The following FNBP1 variants were observed in gnomAD, a reference collection of about 807,000 sequenced individuals.
FNBP1 encodes formin binding protein 1.
In FNBP1, 26 loss-of-function variants were observed where a neutral mutation model predicts 90.6. The observed-to-expected ratio is 0.29, with a 90% CI of 0.21 to 0.40. FNBP1 has a LOEUF of 0.40. Ranked by LOEUF, FNBP1 falls within the 10% of genes least tolerant of loss-of-function variation. The pLI is 1.00. For synonymous variants in FNBP1, 260 were observed against 265.2 expected, an observed-to-expected ratio of 0.98 and a Z score of 0.19; for missense variants, 635 against 768.0, an observed-to-expected ratio of 0.83 and a Z score of 2.05.
At chr9:129,937,215 T>C (rs190835759) in intron 6 of FNBP1, among the ~76,000 whole-genome samples, 9 of 152,048 alleles carry the variant, frequency 5.9e-5, no homozygotes, top group Admixed American at 5.9e-4. Context: ...TTTACTCTAG[T>C]CTTTGACCCA....
intron 1 of FNBP1, among the ~76,000 whole-genome samples, chr9:129,997,264 G>A (rs555440765): frequency 6.6e-6 from 1 of 152,184 alleles, no homozygotes; most frequent in East Asian, 1.9e-4. Context: ...GGAGGCAGAG[G>A]TTGCAGTGAG....
At chr9:129,998,046 AT>A (rs2054270134) in intron 1 of FNBP1, among the ~76,000 whole-genome samples, 2 of 150,760 alleles carry the variant, frequency 1.3e-5, no homozygotes, top group South Asian at 4.2e-4. Context: ...AAATACAAAA[AT>A]TTGCCAGGCA....
intron 2 of FNBP1, among the ~76,000 whole-genome samples, chr9:129,985,876 C>A (rs889033585): frequency 6.7e-6 from 1 of 150,088 alleles, no homozygotes; most frequent in African/African-American, 2.5e-5. Context: ...GCAGGAGAAT[C>A]GCTTCAACCC....
intron 2 of FNBP1, among the ~76,000 whole-genome samples, chr9:129,988,614 T>G (rs1451086658): frequency 6.6e-6 from 1 of 151,340 alleles, no homozygotes; most frequent in Non-Finnish European, 1.5e-5. Flanking sequence ...GAGGTGGAGG[T>G]TGCAGTGAGC....
At chr9:130,044,591 T>G (rs1027312585), upstream of FNBP1, 1 of 152,062 alleles carries the variant, frequency 6.6e-6, no homozygotes, top group African/African-American at 2.4e-5. Flanking sequence ...ATGGTGCCAT[T>G]GCCCTCCAGC....
Position 130,042,132 on chromosome 9 carries a change from G to GAGTC in FNBP1, c.24+819_24+820insGACT, listed in dbSNP as rs2059880487. On this transcript the variant is annotated intron_variant, in intron 1 of 16. Coordinates refer to ENST00000446176, the MANE Select transcript of FNBP1 (RefSeq NM_015033.3). The surrounding 1 kb of genome is among the most constrained non-coding windows in gnomAD (Gnocchi z 5.5). ...CTTTCCGGGGACGGCCCTCAGCCCT[G>GAGTC]AGGGCTGCCCGTTTACCGTGCGCAT... is the stretch of plus-strand genomic sequence containing the variant. 6.6e-6 allele frequency among the ~76,000 whole-genome samples: 1 copy of GAGTC among 151,942 alleles called. No individual in the cohort carries two copies. Among genetic ancestry groups the GAGTC allele is most frequent in the Non-Finnish European group, 1.5e-5 (1 of 67,986 alleles).
intron 1 of FNBP1, among the ~76,000 whole-genome samples, chr9:130,015,357 T>C (rs998315115): frequency 6.6e-6 from 1 of 152,142 alleles, no homozygotes; most frequent in Non-Finnish European, 1.5e-5. Context: ...GGAAAACCAA[T>C]AGGTCTCTGT....
intron 1 of FNBP1, among the ~76,000 whole-genome samples, chr9:130,013,119 A>C (rs1223741963): frequency 6.6e-6 from 1 of 152,136 alleles, no homozygotes; most frequent in South Asian, 2.1e-4. Context: ...GGTATCTAGA[A>C]TATAGATAGC....
chr9:130,015,443 A>G (rs1468598636), intron 1 of FNBP1, among the ~76,000 whole-genome samples: 1 of 152,166 alleles, frequency 6.6e-6, no homozygotes, highest in Non-Finnish European at 1.5e-5. Flanking sequence ...CATTATCAAT[A>G]GACTCCCTGT....
At chr9:130,002,867 G>A (rs1310290722) in intron 1 of FNBP1, among the ~76,000 whole-genome samples, 1 of 152,066 alleles carries the variant, frequency 6.6e-6, no homozygotes, top group Non-Finnish European at 1.5e-5. Context: ...ACTTCACCTT[G>A]ACCTTACACT....
intron 11 of FNBP1, among the ~76,000 whole-genome samples, chr9:129,912,636 T>C (rs561156952): frequency 7.2e-6 from 1 of 138,710 alleles, no homozygotes; most frequent in East Asian, 2.1e-4. Context: ...TGTGGTGAGC[T>C]GAGATTGCGC....
intron 1 of FNBP1, among the ~76,000 whole-genome samples, chr9:130,030,735 G>A (rs1373086065): frequency 6.6e-6 from 1 of 152,148 alleles, no homozygotes; most frequent in African/African-American, 2.4e-5. Context: ...TGAATATTCA[G>A]TCTGCTTATG....
the FNBP1 span, among the ~76,000 whole-genome samples, chr9:130,049,320 T>C: frequency 6.6e-6 from 1 of 152,176 alleles, no homozygotes; most frequent in Non-Finnish European, 1.5e-5. Context: ...GCCTGGTAAA[T>C]TGAGGCTGCA....
At position 129,888,703 on chromosome 9, in the gene FNBP1, T is replaced by C; in HGVS notation, c.*1836A>G. 4.3e-6 allele frequency: 1 copy of C among 233,278 alleles called. No individual in the cohort carries two copies. Among genetic ancestry groups the C allele is most frequent in the East Asian group, 6.0e-5 (1 of 16,566 alleles). 14.5% of individuals were successfully genotyped at this position (233,278 alleles called of 1,614,324 possible). On this transcript the variant is annotated 3_prime_UTR_variant, in exon 17 of 17. Transcript: ENST00000446176. ...TCACCTGCCTGGGCCTCAGCGTCTC[T>C]GCGCTTGTGGTTTCTCGTCCCCGAG...
Position 129,889,081 on chromosome 9 carries a change from C to CG in FNBP1, c.*1457dup, listed in dbSNP as rs753987401. ...GGGGCTGCTCTGCTCTAAGGCGTGGCGGGGGGGGGGGGTGGTGGCCACAGA... is the reference window on the plus strand; with the variant it reads ...GGGGCTGCTCTGCTCTAAGGCGTGGCGGGGGGGGGGGGGTGGTGGCCACAGA... On this transcript the variant is annotated 3_prime_UTR_variant, in exon 17 of 17. Transcript: ENST00000446176. 4.8e-3 allele frequency: 196 copies of CG among 40,732 alleles called. No individual in the cohort carries two copies. Among genetic ancestry groups the CG allele is most frequent in the Middle Eastern group, 0.02 (3 of 148 alleles). 2.5% of individuals were successfully genotyped at this position (40,732 alleles called of 1,614,324 possible).
In FNBP1 at chr9:129,957,269, C is replaced by T. The variant is rs2047097283; in HGVS notation, c.513+91G>A. 2.3e-6 allele frequency: 2 copies of T among 886,500 alleles called. No homozygotes were observed. Among genetic ancestry groups the T allele is most frequent in the South Asian group, 2.8e-5 (2 of 70,500 alleles). 54.9% of individuals were successfully genotyped at this position (886,500 alleles called of 1,614,324 possible). On this transcript the variant is annotated intron_variant, in intron 6 of 16. Transcript: ENST00000446176. The surrounding 1 kb of genome is among the most constrained non-coding windows in gnomAD (Gnocchi z 4.3). Reference sequence around the variant, plus strand: ...GCCAGGCTGGTCTCGAACTCCTGGCCTCAGGTGATCCGCTCACCTCAGCCT... The same window carrying T: ...GCCAGGCTGGTCTCGAACTCCTGGCTTCAGGTGATCCGCTCACCTCAGCCT...
rs2047198656 is a variant in FNBP1, at chr9:129,957,939, GTC to G, written c.409-477_409-476del. Among the ~76,000 whole-genome samples, 1 of 152,062 alleles carries G rather than the reference GTC, an allele frequency of 6.6e-6. No individual in the cohort carries two copies. Among genetic ancestry groups the G allele is most frequent in the Non-Finnish European group, 1.5e-5 (1 of 68,000 alleles). On this transcript the variant is annotated intron_variant, in intron 5 of 16. Coordinates refer to ENST00000446176, the MANE Select transcript of FNBP1 (RefSeq NM_015033.3). The surrounding 1 kb of genome is among the most constrained non-coding windows in gnomAD (Gnocchi z 4.3). Reference sequence around the variant, plus strand: ...ATCTGCATTTATTTCCATCAAAACTGTCTAATCTTTATTATTTCCACGTGACT... The same window carrying G: ...ATCTGCATTTATTTCCATCAAAACTGTAATCTTTATTATTTCCACGTGACT...
At chr9:129,895,705 G>A in intron 16 of FNBP1, 133 bp downstream of exon 16, 1 of 1,370,766 alleles carries the variant, frequency 7.3e-7, no homozygotes, top group Non-Finnish European at 9.4e-7. Context: ...TGAGACTACA[G>A]GAGAACGTGC....
In FNBP1 at chr9:129,924,032, T is replaced by A; in HGVS notation, c.988-6A>T. 1 of 1,504,692 alleles carries A rather than the reference T, an allele frequency of 6.6e-7. No individual in the cohort carries two copies. Among genetic ancestry groups the A allele is most frequent in the Non-Finnish European group, 8.8e-7 (1 of 1,131,242 alleles). The allele number at this position is 1,504,692 out of a possible 1,614,324, so 93.2% of individuals were successfully genotyped here. A position where few individuals can be genotyped will look rare whatever the true frequency, so the allele number is the denominator to read the frequency against. On this transcript the variant is annotated splice_polypyrimidine_tract_variant and splice_region_variant and intron_variant, in intron 9 of 16. Coordinates refer to ENST00000446176, the MANE Select transcript of FNBP1 (RefSeq NM_015033.3). ...GATGTTAAAAGGGACATAAGCTACATGTAAGAGATGGAGCCGTGACAGAGT... is the reference window on the plus strand; with the variant it reads ...GATGTTAAAAGGGACATAAGCTACAAGTAAGAGATGGAGCCGTGACAGAGT...
Sources: allele counts gnomAD v4.1 joint callset (sites outside exome capture counted in the v4.1 genomes callset), GRCh38; gene constraint gnomAD v4.1.1; non-coding constraint Gnocchi (gnomAD v3.1); transcripts MANE v1.5; gene names NCBI Gene and HGNC (gene_info 2026-07-23, HGNC 2026-07-21).